Variants in UBE2U observed in about 807,000 individuals in gnomAD.
UBE2U encodes ubiquitin-conjugating enzyme E2 U.
UBE2U carries 39 observed loss-of-function variants against 41.2 expected under a neutral mutation model. The ratio of observed to expected loss-of-function variants is 0.95; its 90% CI spans 0.73 to 1.24. UBE2U has a LOEUF of 1.24. UBE2U is among the 50% of genes most tolerant of loss of function. UBE2U has a pLI of 0.00. For missense variants in UBE2U, 336 were observed against 363.1 expected (o/e 0.93, Z 0.61); for synonymous variants, 107 against 117.8 (o/e 0.91, Z 0.60).
intron 3 of UBE2U, among the ~76,000 whole-genome samples, chr1:64,207,910 A>T (rs1391540761): frequency 1.3e-5 from 2 of 152,216 alleles, no homozygotes; most frequent in African/African-American, 4.8e-5. Flanking sequence ...AATGCATGTA[A>T]CAGAATATGT....
At chr1:64,248,635 A>T (rs825199) in intron 8 of UBE2U, among the ~76,000 whole-genome samples, 1,817 of 151,834 alleles carry the variant, frequency 0.012, 27 homozygotes, top group African/African-American at 0.042. Flanking sequence ...TATTTTAGTG[A>T]CATTAAAAAT....
At position 64,215,968 on chromosome 1, in the gene UBE2U, C is replaced by T. The variant is rs575175231; in HGVS notation, c.457+1036C>T. On this transcript the variant is annotated intron_variant, in intron 5 of 9. Transcript: ENST00000371077. ...CCTTCTTCTGGTAGCACACAGCAACCTTGCATAGTAGCTGGTATCATTACC... is the reference window on the plus strand; with the variant it reads ...CCTTCTTCTGGTAGCACACAGCAACTTTGCATAGTAGCTGGTATCATTACC... Among the ~76,000 whole-genome samples, 3 of 152,312 alleles carry T rather than the reference C, an allele frequency of 2.0e-5. No individual in the cohort carries two copies. In the South Asian group the frequency reaches 6.2e-4, roughly 32 times the overall value.
At chr1:64,235,115 G>A (rs1644641307) in intron 7 of UBE2U, among the ~76,000 whole-genome samples, 1 of 152,162 alleles carries the variant, frequency 6.6e-6, no homozygotes, top group Non-Finnish European at 1.5e-5. Flanking sequence ...AAAAATGGAA[G>A]GAAATAATAA....
At chr1:64,250,260 G>T (rs1644984929) in intron 8 of UBE2U, among the ~76,000 whole-genome samples, 1 of 152,082 alleles carries the variant, frequency 6.6e-6, no homozygotes, top group South Asian at 2.1e-4. Context: ...TTTCTTGAAA[G>T]GCAACATCTA....
At position 64,250,214 on chromosome 1, in the gene UBE2U, A is replaced by G. The variant is rs566973709; in HGVS notation, c.677+8481A>G. Reference sequence around the variant, plus strand: ...GAAGGTAAAATAAAAACGTTTTTTGACCAATAAATCCAACCACATAGTTGA... The same window carrying G: ...GAAGGTAAAATAAAAACGTTTTTTGGCCAATAAATCCAACCACATAGTTGA... On this transcript the variant is annotated intron_variant, in intron 8 of 9. Coordinates refer to ENST00000371077, the MANE Select transcript of UBE2U (RefSeq NM_001366232.2). Among the ~76,000 whole-genome samples, 324 of 152,254 alleles carry G rather than the reference A, an allele frequency of 2.1e-3. 3 individuals carry two copies. Among genetic ancestry groups the G allele is most frequent in the African/African-American group, 7.5e-3 (311 of 41,560 alleles).
chr1:64,236,043 A>ATTGG (rs1232416890), intron 7 of UBE2U, among the ~76,000 whole-genome samples: 1 of 152,160 alleles, frequency 6.6e-6, no homozygotes, highest in African/African-American at 2.4e-5. Context: ...CTGGAGTCAG[A>ATTGG]TTTACCAGAG....
At chr1:64,249,276 G>A (rs1204025146) in intron 8 of UBE2U, among the ~76,000 whole-genome samples, 1 of 151,194 alleles carries the variant, frequency 6.6e-6, no homozygotes, top group Non-Finnish European at 1.5e-5. Context: ...TACTCAGGAG[G>A]CTGAAGCAGG....
intron 5 of UBE2U, among the ~76,000 whole-genome samples, chr1:64,219,671 C>T (rs1374723774): frequency 6.6e-6 from 1 of 151,708 alleles, no homozygotes; most frequent in Non-Finnish European, 1.5e-5. Context: ...TCTGGGCTCA[C>T]TGCAAGCTCC....
At chr1:64,259,659 G>A (rs1468540855) in intron 8 of UBE2U, among the ~76,000 whole-genome samples, 1 of 151,890 alleles carries the variant, frequency 6.6e-6, no homozygotes, top group African/African-American at 2.4e-5. Context: ...GTTGCCAAAA[G>A]TTTTCTTTTC....
intron 7 of UBE2U, among the ~76,000 whole-genome samples, chr1:64,237,803 G>T (rs1022752214): frequency 1.3e-5 from 2 of 152,108 alleles, no homozygotes; most frequent in Non-Finnish European, 2.9e-5. Flanking sequence ...AAACTAATAG[G>T]ACTATTCAGG....
intron 8 of UBE2U, among the ~76,000 whole-genome samples, chr1:64,250,067 TA>T (rs1196219621): frequency 6.6e-6 from 1 of 152,126 alleles, no homozygotes; most frequent in African/African-American, 2.4e-5. Context: ...ACGATAAGAA[TA>T]GCCAAAAACT....
At chr1:64,209,912 T>G (rs965597521) in intron 3 of UBE2U, among the ~76,000 whole-genome samples, 10 of 152,182 alleles carry the variant, frequency 6.6e-5, no homozygotes, top group Non-Finnish European at 1.3e-4. Context: ...AAGTAAACAT[T>G]TCCCACCTTT....
chr1:64,225,294 T>A (rs1214057932), intron 6 of UBE2U, among the ~76,000 whole-genome samples: 1 of 152,076 alleles, frequency 6.6e-6, no homozygotes, highest in Non-Finnish European at 1.5e-5. Flanking sequence ...CTAAATTTAG[T>A]ATTTGTATGC....
intron 2 of UBE2U, 123 bp from the exon 3 acceptor site, chr1:64,206,641 C>A (rs1651314449): frequency 1.6e-6 from 1 of 612,108 alleles, no homozygotes; most frequent in East Asian, 2.9e-5. Flanking sequence ...CTCTATGAAT[C>A]AATTTACTTA....
chr1:64,219,001 G>A (rs184425141), intron 5 of UBE2U, among the ~76,000 whole-genome samples: 1 of 152,212 alleles, frequency 6.6e-6, no homozygotes, highest in East Asian at 1.9e-4. Flanking sequence ...TGCTGGGATG[G>A]CCTTTTTGGT....
intron 8 of UBE2U, among the ~76,000 whole-genome samples, chr1:64,254,248 A>C (rs1377479251): frequency 6.6e-6 from 1 of 152,364 alleles, no homozygotes; most frequent in African/African-American, 2.4e-5. Flanking sequence ...AGGAGCACCA[A>C]GATTCATAAA....
chr1:64,257,182 C>T (rs1645107062), intron 8 of UBE2U, among the ~76,000 whole-genome samples: 1 of 152,172 alleles, frequency 6.6e-6, no homozygotes, highest in Non-Finnish European at 1.5e-5. Context: ...ATTAGTTCAA[C>T]CATTGTGGAA....
intron 8 of UBE2U, among the ~76,000 whole-genome samples, chr1:64,247,267 T>C (rs1644936400): frequency 6.6e-6 from 1 of 152,158 alleles, no homozygotes; most frequent in African/African-American, 2.4e-5. Flanking sequence ...GGATTTCTGG[T>C]TGTAGCACAA....
intron 5 of UBE2U, among the ~76,000 whole-genome samples, chr1:64,216,109 G>C (rs1651993209): frequency 6.6e-6 from 1 of 152,098 alleles, no homozygotes; most frequent in African/African-American, 2.4e-5. Context: ...GTATAATTGT[G>C]ACCAAGTTCA....
Sources: allele counts gnomAD v4.1 joint callset (sites outside exome capture counted in the v4.1 genomes callset), GRCh38; gene constraint gnomAD v4.1.1; transcripts MANE v1.5; gene names NCBI Gene and HGNC (gene_info 2026-07-23, HGNC 2026-07-21).